PTPRD: variants seen among roughly 807,000 people sequenced by gnomAD.
PTPRD encodes protein tyrosine phosphatase receptor type D.
PTPRD carries 34 observed loss-of-function variants against 214.5 expected under a neutral mutation model. The observed-to-expected ratio is 0.16, with a 90% CI of 0.12 to 0.21. The LOEUF is 0.21. Among genes scored for constraint, PTPRD ranks in the 10% least tolerant of loss-of-function variants. PTPRD has a pLI of 1.00. For synonymous variants in PTPRD, 1,128 were observed against 845.7 expected, an observed-to-expected ratio of 1.33 and a Z score of -5.79; for missense variants, 2,545 against 2,398.7, an observed-to-expected ratio of 1.06 and a Z score of -1.27.
chr9:10,454,348 G>T (rs2098887282), intron 2 of PTPRD, among the ~76,000 whole-genome samples: 1 of 151,184 alleles, frequency 6.6e-6, no homozygotes, highest in East Asian at 1.9e-4. Flanking sequence ...ATAGTACAGG[G>T]TTTTACAGTC....
intron 3 of PTPRD, among the ~76,000 whole-genome samples, chr9:10,228,863 T>C (rs1389736926): frequency 6.6e-6 from 1 of 151,716 alleles, no homozygotes; most frequent in Non-Finnish European, 1.5e-5. Flanking sequence ...CAAATTAAAA[T>C]GCTGCTAGCT....
chr9:9,261,216 C>G (rs191036761), intron 9 of PTPRD, among the ~76,000 whole-genome samples: 4 of 151,884 alleles, frequency 2.6e-5, no homozygotes, highest in African/African-American at 9.6e-5. Context: ...TATTATTAAG[C>G]AGAGATATGC....
intron 3 of PTPRD, among the ~76,000 whole-genome samples, chr9:10,107,935 T>C (rs999825324): frequency 9.2e-5 from 14 of 152,148 alleles, no homozygotes; most frequent in Non-Finnish European, 2.1e-4. Flanking sequence ...ATAATTTCTT[T>C]AGTGTAAAAG....
chr9:10,352,562 T>C (rs2097201054), intron 2 of PTPRD, among the ~76,000 whole-genome samples: 1 of 152,014 alleles, frequency 6.6e-6, no homozygotes, highest in African/African-American at 2.4e-5. Context: ...AGTAATGAAA[T>C]ATAGATCAGA....
intron 30 of PTPRD, among the ~76,000 whole-genome samples, chr9:8,478,860 A>C (rs1221275847): frequency 2.0e-5 from 3 of 152,244 alleles, no homozygotes; most frequent in Non-Finnish European, 4.4e-5. Context: ...TGAGGAGTTA[A>C]GGAGTAGGGG....
intron 2 of PTPRD, among the ~76,000 whole-genome samples, chr9:10,592,514 T>C (rs1242516196): frequency 6.6e-6 from 1 of 151,926 alleles, no homozygotes; most frequent in Non-Finnish European, 1.5e-5. Flanking sequence ...AATAGCCATG[T>C]CAGTTATAGG....
chr9:10,005,517 A>G (rs1046768527), intron 4 of PTPRD, among the ~76,000 whole-genome samples: 72 of 152,204 alleles, frequency 4.7e-4, no homozygotes, highest in African/African-American at 1.7e-3. Flanking sequence ...AGATAGCTCA[A>G]AAATGGTTAT....
At chr9:8,639,317 A>G (rs2096523168) in intron 12 of PTPRD, among the ~76,000 whole-genome samples, 1 of 152,260 alleles carries the variant, frequency 6.6e-6, no homozygotes, top group Non-Finnish European at 1.5e-5. Context: ...TGGAAAAATT[A>G]TAATTATGCA....
At chr9:9,797,178 C>T (rs2099007903) in intron 5 of PTPRD, among the ~76,000 whole-genome samples, 2 of 146,016 alleles carry the variant, frequency 1.4e-5, no homozygotes. Context: ...AAAAATACAA[C>T]ATATGCATAA....
chr9:10,595,934 C>A (rs1233407944), intron 2 of PTPRD, among the ~76,000 whole-genome samples: 1 of 151,788 alleles, frequency 6.6e-6, no homozygotes, highest in Non-Finnish European at 1.5e-5. Flanking sequence ...GGATCAGATA[C>A]TGTCATTGCC....
chr9:9,810,437 T>C (rs1029675269), intron 5 of PTPRD, among the ~76,000 whole-genome samples: 2 of 152,042 alleles, frequency 1.3e-5, no homozygotes, highest in African/African-American at 4.8e-5. Flanking sequence ...TGACCATAGG[T>C]TGAATCCAAT....
At chr9:9,108,391 G>C (rs1454826475) in intron 10 of PTPRD, among the ~76,000 whole-genome samples, 2 of 152,144 alleles carry the variant, frequency 1.3e-5, no homozygotes, top group African/African-American at 4.8e-5. Flanking sequence ...GGTTGCATTA[G>C]TTTAGGTAGG....
intron 2 of PTPRD, among the ~76,000 whole-genome samples, chr9:10,378,377 A>C: frequency 6.6e-6 from 1 of 151,974 alleles, no homozygotes; most frequent in East Asian, 1.9e-4. Flanking sequence ...ATTGCTCAAA[A>C]AATTTTGCCC....
Position 9,828,545 on chromosome 9 carries a change from A to C in PTPRD, c.-367-61694T>G, listed in dbSNP as rs576456203. 3.3e-5 allele frequency among the ~76,000 whole-genome samples: 5 copies of C among 152,174 alleles called. No individual in the cohort carries two copies. In the East Asian group the frequency reaches 9.7e-4, roughly 29 times the overall value. On this transcript the variant is annotated intron_variant, in intron 5 of 45. Coordinates refer to ENST00000381196, the MANE Select transcript of PTPRD (RefSeq NM_002839.4). ...AGGGATAGCATTAGGAGATATACTTAATGTTAAATGACAACTTAATGGGTG... is the reference window on the plus strand; with the variant it reads ...AGGGATAGCATTAGGAGATATACTTCATGTTAAATGACAACTTAATGGGTG...
chr9:10,210,340 A>G (rs1052345006), intron 3 of PTPRD, among the ~76,000 whole-genome samples: 1 of 152,144 alleles, frequency 6.6e-6, no homozygotes, highest in Non-Finnish European at 1.5e-5. Flanking sequence ...GAAGATGGAG[A>G]GATAATAGTA....
chr9:8,752,672 G>C (rs555016537), intron 11 of PTPRD, among the ~76,000 whole-genome samples: 10 of 152,268 alleles, frequency 6.6e-5, no homozygotes, highest in East Asian at 3.9e-4. Context: ...GCCTGGTGGA[G>C]GATGAAAGAC....
intron 9 of PTPRD, among the ~76,000 whole-genome samples, chr9:9,253,226 T>A (rs1301904414): frequency 6.6e-6 from 1 of 152,046 alleles, no homozygotes. Context: ...AAAGCCAGGA[T>A]CATGATATCT....
At chr9:9,001,692 C>T (rs528007546) in intron 11 of PTPRD, among the ~76,000 whole-genome samples, 1 of 152,084 alleles carries the variant, frequency 6.6e-6, no homozygotes, top group African/African-American at 2.4e-5. Context: ...CATTGCTGCT[C>T]TAGGAAAAAT....
intron 7 of PTPRD, among the ~76,000 whole-genome samples, chr9:9,717,709 T>C (rs1595924107): frequency 6.6e-6 from 1 of 152,140 alleles, no homozygotes; most frequent in East Asian, 1.9e-4. Context: ...ATTTAGGGAA[T>C]AATGGGAATA....
Sources: allele counts gnomAD v4.1 joint callset (sites outside exome capture counted in the v4.1 genomes callset), GRCh38; gene constraint gnomAD v4.1.1; transcripts MANE v1.5; gene names NCBI Gene and HGNC (gene_info 2026-07-23, HGNC 2026-07-21).